Variants in ZMYND8 observed in about 807,000 individuals in gnomAD.
ZMYND8 encodes zinc finger MYND-type containing 8.
A neutral mutation model predicts 140.8 loss-of-function variants in ZMYND8; 37 were observed. The observed-to-expected ratio is 0.26, with a 90% CI of 0.20 to 0.35. The LOEUF (loss-of-function observed/expected upper bound fraction) is 0.35. Among genes scored for constraint, ZMYND8 ranks in the 10% least tolerant of loss-of-function variants. ZMYND8 has a pLI of 1.00. For synonymous variants in ZMYND8, 592 were observed against 597.1 expected (o/e 0.99, Z 0.12); for missense variants, 1,068 against 1,570.0 (o/e 0.68, Z 5.40).
chr20:47,290,776 AGAC>A (rs2077214149), intron 6 of ZMYND8, among the ~76,000 whole-genome samples: 1 of 151,686 alleles, frequency 6.6e-6, no homozygotes, highest in Non-Finnish European at 1.5e-5. Flanking sequence ...TTTTTAGTAG[AGAC>A]GGGGTTTCTC....
chr20:47,308,117 C>CA (rs1223467106), intron 3 of ZMYND8, among the ~76,000 whole-genome samples: 27,398 of 103,382 alleles, frequency 0.27, 3,223 homozygotes, highest in African/African-American at 0.4. Context: ...GACTCTGTCT[C>CA]AAAAAAAAAA....
At chr20:47,245,364 C>T (rs6018360) in intron 14 of ZMYND8, among the ~76,000 whole-genome samples, 2 of 151,974 alleles carry the variant, frequency 1.3e-5, no homozygotes, top group South Asian at 4.2e-4. Flanking sequence ...ATCCTGCCTC[C>T]GCCTCACGAG....
At chr20:47,305,794 GA>G (rs933924780) in intron 3 of ZMYND8, among the ~76,000 whole-genome samples, 1 of 151,998 alleles carries the variant, frequency 6.6e-6, no homozygotes, top group African/African-American at 2.4e-5. Context: ...TAATGCAAGG[GA>G]AAAAAACCAA....
intron 2 of ZMYND8, among the ~76,000 whole-genome samples, chr20:47,341,958 G>A (rs1179989472): frequency 5.5e-4 from 83 of 151,834 alleles, no homozygotes; most frequent in African/African-American, 1.8e-3. Flanking sequence ...AGCGGAGATC[G>A]CGCCACTGCA....
At chr20:47,326,209 CG>C (rs1448815385) in intron 2 of ZMYND8, among the ~76,000 whole-genome samples, 2 of 152,220 alleles carry the variant, frequency 1.3e-5, no homozygotes, top group African/African-American at 4.8e-5. Context: ...CCGCCTGCCT[CG>C]GCCTCCCAAA....
At position 47,290,288 on chromosome 20, in the gene ZMYND8, C is replaced by T. The variant is rs749234186; in HGVS notation, c.661-14G>A. 11 of 1,611,702 alleles carry T rather than the reference C, an allele frequency of 6.8e-6. No homozygotes were observed. In the Admixed American group the frequency reaches 1.0e-4, roughly 15 times the overall value. ...CTTTTTCGCATTCTGGGAAGAAAAG[C>T]GATGGAGCATAATCACAGTGAGTCT... is the stretch of plus-strand genomic sequence containing the variant. On this transcript the variant is annotated splice_polypyrimidine_tract_variant and intron_variant, in intron 6 of 22. Coordinates refer to ENST00000471951, the MANE Select transcript of ZMYND8 (RefSeq NM_001281775.3).
intron 2 of ZMYND8, among the ~76,000 whole-genome samples, chr20:47,324,264 C>A (rs1055443062): frequency 6.0e-5 from 9 of 150,332 alleles, no homozygotes; most frequent in Admixed American, 2.7e-4. Flanking sequence ...CGTCTGTAAT[C>A]CCAGCACTTT....
At chr20:47,256,899 G>A (rs546343122) in intron 12 of ZMYND8, among the ~76,000 whole-genome samples, 135 of 152,240 alleles carry the variant, frequency 8.9e-4, no homozygotes, top group African/African-American at 3.1e-3. Flanking sequence ...GCATCAAGGC[G>A]CATTTCTGTC....
intron 11 of ZMYND8, among the ~76,000 whole-genome samples, chr20:47,264,198 T>A (rs2075345312): frequency 6.6e-6 from 1 of 152,224 alleles, no homozygotes; most frequent in African/African-American, 2.4e-5. Context: ...GGAGTGAGGA[T>A]CAATGTCGTC....
rs186711449 is a variant in ZMYND8, at chr20:47,312,354, A to G, written c.86-2150T>C. 1.4e-3 allele frequency among the ~76,000 whole-genome samples: 211 copies of G among 152,338 alleles called. 1 individual carries two copies. Among genetic ancestry groups the G allele is most frequent in the African/African-American group, 4.7e-3 (197 of 41,568 alleles). On this transcript the variant is annotated intron_variant, in intron 2 of 22. Coordinates refer to ENST00000471951, the MANE Select transcript of ZMYND8 (RefSeq NM_001281775.3). ...CCCAATCTACAGGATGGAACTCTCC[A>G]GCCTCACCATGCAAGCTTCTGGACA...
chr20:47,241,100 T>C (rs1452259148), intron 14 of ZMYND8, among the ~76,000 whole-genome samples: 1 of 151,328 alleles, frequency 6.6e-6, no homozygotes, highest in Non-Finnish European at 1.5e-5. Flanking sequence ...TCGAAACCAG[T>C]CTGGCCAACA....
intron 11 of ZMYND8, 44 bp downstream of exon 11, chr20:47,276,270 C>T (rs749179327): frequency 1.5e-5 from 23 of 1,493,634 alleles, no homozygotes; most frequent in Middle Eastern, 4.8e-4. Context: ...GGGAAACCCC[C>T]GTGTCCAAGG....
At chr20:47,346,525 C>G (rs1020208886) in intron 2 of ZMYND8, among the ~76,000 whole-genome samples, 1 of 152,182 alleles carries the variant, frequency 6.6e-6, no homozygotes, top group African/African-American at 2.4e-5. Flanking sequence ...TTCTGTGACC[C>G]CTGCCAGAGA....
At chr20:47,262,688 A>G (rs1374179226) in intron 11 of ZMYND8, among the ~76,000 whole-genome samples, 1 of 152,222 alleles carries the variant, frequency 6.6e-6, no homozygotes, top group East Asian at 1.9e-4. Context: ...CAAAGCTCTA[A>G]GACAAATCGG....
rs532267642 is a variant in ZMYND8 at position 47,257,016 on chromosome 20, A to G, written c.1621+5272T>C. 7.2e-5 allele frequency among the ~76,000 whole-genome samples: 11 copies of G among 152,340 alleles called. No homozygotes were observed. In the East Asian group the frequency reaches 2.1e-3, roughly 29 times the overall value. On this transcript the variant is annotated intron_variant, in intron 12 of 22. Transcript: ENST00000471951. ...AGAAAGCAAACAGGAGTCTGGAAGAAGAAAAGGACCGGGCCCACCTCTTCT... is the reference window on the plus strand; with the variant it reads ...AGAAAGCAAACAGGAGTCTGGAAGAGGAAAAGGACCGGGCCCACCTCTTCT...
At chr20:47,301,242 C>T (rs2078025648) in intron 3 of ZMYND8, among the ~76,000 whole-genome samples, 1 of 151,020 alleles carries the variant, frequency 6.6e-6, no homozygotes, top group Non-Finnish European at 1.5e-5. Flanking sequence ...GCAACCTCTG[C>T]CTCCCAGGTT....
intron 12 of ZMYND8, among the ~76,000 whole-genome samples, chr20:47,257,581 TAC>T (rs535782739): frequency 8.2e-4 from 125 of 152,036 alleles, no homozygotes; most frequent in African/African-American, 2.7e-3. Context: ...TCATATACCA[TAC>T]ACACATACAT....
intron 16 of ZMYND8, among the ~76,000 whole-genome samples, chr20:47,233,547 AAC>A (rs1016054851): frequency 3.9e-5 from 6 of 152,176 alleles, no homozygotes; most frequent in African/African-American, 1.2e-4. Flanking sequence ...GTCATGTGGC[AAC>A]AGTTTGTGGA....
intron 2 of ZMYND8, among the ~76,000 whole-genome samples, chr20:47,325,866 G>A (rs2080368669): frequency 6.6e-6 from 1 of 151,856 alleles, no homozygotes; most frequent in Non-Finnish European, 1.5e-5. Flanking sequence ...TCCACCTCCT[G>A]ATTCAAGCAA....
Sources: gnomAD v4.1 joint callset for allele counts (sites outside exome capture counted in the v4.1 genomes callset) on GRCh38, gnomAD v4.1.1 for gene constraint, MANE v1.5 for transcripts, NCBI Gene and HGNC (gene_info 2026-07-23, HGNC 2026-07-21) for gene names.